The following REEP1 variants were observed in gnomAD, a reference collection of about 807,000 sequenced individuals.
The protein encoded by REEP1 is receptor accessory protein 1.
REEP1 carries 22 observed loss-of-function variants against 40.3 expected under a neutral mutation model. The observed-to-expected ratio is 0.55, with a 90% CI of 0.39 to 0.78. REEP1 has a LOEUF of 0.78. REEP1 is among the 30% of genes least tolerant of loss of function. REEP1 has a pLI of 0.00. For missense variants in REEP1, 280 were observed against 361.1 expected (o/e 0.78, Z 1.82); for synonymous variants, 116 against 139.2 (o/e 0.83, Z 1.17).
intron 6 of REEP1, among the ~76,000 whole-genome samples, chr2:86,231,941 T>C (rs1300691289): frequency 1.3e-5 from 2 of 152,292 alleles, no homozygotes; most frequent in East Asian, 3.9e-4. Flanking sequence ...CCCAGGACTT[T>C]GCATGTTTAA....
chr2:86,214,799 T>G lies in REEP1; in HGVS notation c.*2240A>C, dbSNP rs1218175956. 1 of 152,652 alleles carries G rather than the reference T, an allele frequency of 6.6e-6. No individual in the cohort carries two copies. Among genetic ancestry groups the G allele is most frequent in the Non-Finnish European group, 1.5e-5 (1 of 68,038 alleles). The allele number at this position is 152,652 out of a possible 1,614,324, so 9.5% of individuals were successfully genotyped here. A position where few individuals can be genotyped will look rare whatever the true frequency, so the allele number is the denominator to read the frequency against. Reference sequence around the variant, plus strand: ...AAGACAGAGTTTGGATACCTTTATATTTTTCAATCTTGAATGAGAAGTAAT... The same window carrying G: ...AAGACAGAGTTTGGATACCTTTATAGTTTTCAATCTTGAATGAGAAGTAAT... On this transcript the variant is annotated 3_prime_UTR_variant, in exon 9 of 9. Coordinates refer to ENST00000538924, the MANE Select transcript of REEP1 (RefSeq NM_001371279.1).
At chr2:86,334,284 A>G (rs1371024420) in intron 1 of REEP1, among the ~76,000 whole-genome samples, 2 of 152,216 alleles carry the variant, frequency 1.3e-5, no homozygotes, top group Non-Finnish European at 2.9e-5. Context: ...ACACAAAGAC[A>G]GGAAGACACT....
In REEP1 at chr2:86,227,401, G is replaced by A. The variant is rs537135623; in HGVS notation, c.596-3C>T. 2.4e-6 allele frequency: 3 copies of A among 1,232,390 alleles called. No homozygotes were observed. Among genetic ancestry groups the A allele is most frequent in the East Asian group, 3.2e-5 (1 of 31,708 alleles). The allele number at this position is 1,232,390 out of a possible 1,614,324, so 76.3% of individuals were successfully genotyped here. A position where few individuals can be genotyped will look rare whatever the true frequency, so the allele number is the denominator to read the frequency against. ...GCAGGTGGAGCAGCAGGTACACACTGTGGGAATGGGGTAGGGGCACCATCA... is the reference window on the plus strand; with the variant it reads ...GCAGGTGGAGCAGCAGGTACACACTATGGGAATGGGGTAGGGGCACCATCA... On this transcript the variant is annotated splice_polypyrimidine_tract_variant and splice_region_variant and intron_variant, in intron 6 of 8. Coordinates refer to ENST00000538924, the MANE Select transcript of REEP1 (RefSeq NM_001371279.1).
chr2:86,328,477 G>A (rs112992866), intron 1 of REEP1, among the ~76,000 whole-genome samples: 9,153 of 152,224 alleles, frequency 0.06, 884 homozygotes, highest in African/African-American at 0.2. Context: ...TCAGGAGATC[G>A]AGACCATCCT....
At chr2:86,297,488 C>T (rs974044507) in intron 1 of REEP1, among the ~76,000 whole-genome samples, 1 of 152,238 alleles carries the variant, frequency 6.6e-6, no homozygotes, top group Non-Finnish European at 1.5e-5. Flanking sequence ...TGGTGTCCCA[C>T]CACTGGAAGG....
intron 2 of REEP1, among the ~76,000 whole-genome samples, chr2:86,272,717 C>A (rs1441556966): frequency 4.6e-5 from 7 of 152,204 alleles, no homozygotes; most frequent in Non-Finnish European, 1.0e-4. Flanking sequence ...TTCTCCTCTG[C>A]CATTTCCTTA....
Position 86,266,734 on chromosome 2 carries a change from G to A in REEP1, c.106-2693C>T, listed in dbSNP as rs867907898. Among the ~76,000 whole-genome samples, 9 of 151,278 alleles carry A rather than the reference G, an allele frequency of 5.9e-5. No homozygotes were observed. The South Asian group carries it at 8.4e-4, about 14-fold the overall frequency. On this transcript the variant is annotated intron_variant, in intron 2 of 8. Transcript: ENST00000538924. ...AAAAAAACAAACTAAAAGGCCAGGC[G>A]TGGTGGCTCACGCCTGTAATCCCAG...
chr2:86,268,378 C>T (rs907988998), intron 2 of REEP1, among the ~76,000 whole-genome samples: 1 of 152,122 alleles, frequency 6.6e-6, no homozygotes, highest in African/African-American at 2.4e-5. Flanking sequence ...AACACAAATG[C>T]TACTTATGTT....
At chr2:86,239,958 T>C (rs1245013414) in intron 5 of REEP1, 2 of 152,460 alleles carry the variant, frequency 1.3e-5, no homozygotes, top group East Asian at 1.9e-4. Flanking sequence ...GCAGAGCCGG[T>C]GGCCTGGCCT....
chr2:86,280,592 G>T (rs1678027447), intron 2 of REEP1, among the ~76,000 whole-genome samples: 1 of 152,206 alleles, frequency 6.6e-6, no homozygotes, highest in Non-Finnish European at 1.5e-5. Context: ...TTTGCCCTGT[G>T]CCAAGTCAAT....
chr2:86,280,797 G>C (rs1678041212), intron 2 of REEP1, among the ~76,000 whole-genome samples: 1 of 152,118 alleles, frequency 6.6e-6, no homozygotes, highest in African/African-American at 2.4e-5. Context: ...GTGGGGTGGG[G>C]GGTGAGTTCT....
At chr2:86,308,667 C>G (rs1009508087) in intron 1 of REEP1, among the ~76,000 whole-genome samples, 2 of 152,224 alleles carry the variant, frequency 1.3e-5, no homozygotes, top group African/African-American at 4.8e-5. Context: ...GTCTGAAGAG[C>G]TGGAGTGAGG....
chr2:86,272,847 T>C (rs6760209), intron 2 of REEP1, among the ~76,000 whole-genome samples: 1 of 152,138 alleles, frequency 6.6e-6, no homozygotes, highest in South Asian at 2.1e-4. Flanking sequence ...TTAAGGCCAG[T>C]CATGGTGGCT....
At chr2:86,256,011 A>G (rs1489358315) in intron 3 of REEP1, among the ~76,000 whole-genome samples, 1 of 152,092 alleles carries the variant, frequency 6.6e-6, no homozygotes. Flanking sequence ...CTTACTCTGG[A>G]GGAACTGCCC....
At chr2:86,317,852 TTG>T (rs1041922326) in intron 1 of REEP1, among the ~76,000 whole-genome samples, 31 of 152,216 alleles carry the variant, frequency 2.0e-4, no homozygotes, top group Middle Eastern at 3.2e-3. Flanking sequence ...TGTCACTGAG[TTG>T]TGTGCTGAAT....
At chr2:86,228,321 A>T (rs559365848) in intron 6 of REEP1, among the ~76,000 whole-genome samples, 56 of 152,162 alleles carry the variant, frequency 3.7e-4, no homozygotes, top group Non-Finnish European at 7.5e-4. Flanking sequence ...CCGTGCAGGG[A>T]CAGTCTTTGT....
At chr2:86,329,298 C>T (rs1173675890) in intron 1 of REEP1, among the ~76,000 whole-genome samples, 4 of 152,106 alleles carry the variant, frequency 2.6e-5, no homozygotes, top group Non-Finnish European at 5.9e-5. Context: ...GGCAGGAAAA[C>T]AGGGATAACT....
chr2:86,251,022 G>A (rs1676243141), intron 5 of REEP1, among the ~76,000 whole-genome samples: 1 of 152,036 alleles, frequency 6.6e-6, no homozygotes. Flanking sequence ...TCACCACAAG[G>A]GACAAACTTC....
At chr2:86,239,198 C>T (rs1361965774) in intron 5 of REEP1, among the ~76,000 whole-genome samples, 3 of 109,178 alleles carry the variant, frequency 2.7e-5, no homozygotes, top group Admixed American at 1.3e-4. Flanking sequence ...CTGACCAATG[C>T]CATCTAGACC....
Sources: gnomAD v4.1 joint callset for allele counts (sites outside exome capture counted in the v4.1 genomes callset) on GRCh38, gnomAD v4.1.1 for gene constraint, MANE v1.5 for transcripts, NCBI Gene and HGNC (gene_info 2026-07-23, HGNC 2026-07-21) for gene names.